Variants in GPR39 observed in about 807,000 individuals in gnomAD.
GPR39 encodes G protein-coupled receptor 39.
A neutral mutation model predicts 18.4 loss-of-function variants in GPR39; 23 were observed. That is an observed-to-expected ratio of 1.25 (90% CI 0.90 to 1.77). The LOEUF is 1.77. Ranked by LOEUF, GPR39 falls within the 40% of genes most tolerant of loss-of-function variation. The pLI is 0.00. For synonymous variants in GPR39, 280 were observed against 257.9 expected (o/e 1.09, Z -0.82); for missense variants, 647 against 602.4 (o/e 1.07, Z -0.78).
In GPR39 at chr2:132,617,092, G is replaced by A. The variant is rs551201165; in HGVS notation, c.857-28009G>A. On this transcript the variant is annotated intron_variant, in intron 1 of 1. Transcript: ENST00000329321. ...GCAACGTAGCCTTGGGTCTTCCAGT[G>A]CACACAGAATTGTCTCATTTGTTTA... Among the ~76,000 whole-genome samples the A allele has an allele frequency of 7.9e-5, 12 of 152,328 alleles. 1 individual carries two copies. In the East Asian group the frequency reaches 2.3e-3, roughly 29 times the overall value.
At chr2:132,549,424 G>A (rs1394632478) in intron 1 of GPR39, among the ~76,000 whole-genome samples, 1 of 152,136 alleles carries the variant, frequency 6.6e-6, no homozygotes, top group Non-Finnish European at 1.5e-5. Context: ...TGTTTAACAC[G>A]ACTGAAAAGG....
At chr2:132,434,757 C>G (rs1049882692) in intron 1 of GPR39, among the ~76,000 whole-genome samples, 2 of 152,098 alleles carry the variant, frequency 1.3e-5, no homozygotes, top group African/African-American at 4.8e-5. Flanking sequence ...AGAAAACTGT[C>G]CAGATATGCA....
At chr2:132,500,223 C>T (rs1267030348) in intron 1 of GPR39, among the ~76,000 whole-genome samples, 1 of 152,132 alleles carries the variant, frequency 6.6e-6, no homozygotes, top group Non-Finnish European at 1.5e-5. Context: ...GTGGGTTTGT[C>T]ATAGATGGCT....
intron 1 of GPR39, among the ~76,000 whole-genome samples, chr2:132,593,533 A>G (rs915708782): frequency 4.6e-5 from 7 of 152,214 alleles, no homozygotes; most frequent in Non-Finnish European, 1.0e-4. Flanking sequence ...AACTCCTAGG[A>G]GCTGAGGAGA....
chr2:132,602,575 A>C (rs1372867518), intron 1 of GPR39, among the ~76,000 whole-genome samples: 1 of 152,156 alleles, frequency 6.6e-6, no homozygotes, highest in Non-Finnish European at 1.5e-5. Flanking sequence ...ACAGCAAAGG[A>C]AACAATGAAG....
intron 1 of GPR39, among the ~76,000 whole-genome samples, chr2:132,530,726 A>G (rs530303205): frequency 1.3e-5 from 2 of 152,342 alleles, no homozygotes; most frequent in South Asian, 2.1e-4. Context: ...AGAATTTCCA[A>G]CCCAGAATTT....
chr2:132,565,642 T>C (rs1368237336), intron 1 of GPR39, among the ~76,000 whole-genome samples: 3 of 144,522 alleles, frequency 2.1e-5, no homozygotes, highest in Non-Finnish European at 4.5e-5. Flanking sequence ...TGAGTGAGAA[T>C]ATGCGGTGTT....
intron 1 of GPR39, among the ~76,000 whole-genome samples, chr2:132,578,089 A>G (rs1349973068): frequency 1.4e-5 from 2 of 147,950 alleles, no homozygotes; most frequent in African/African-American, 2.5e-5. Context: ...TTTTTTATAA[A>G]TGGGTGTTGG....
At chr2:132,628,792 A>G (rs987650782) in intron 1 of GPR39, among the ~76,000 whole-genome samples, 2 of 152,086 alleles carry the variant, frequency 1.3e-5, no homozygotes, top group African/African-American at 4.8e-5. Context: ...TGTGCAATCA[A>G]TTCTAGTTTA....
At chr2:132,483,088 C>T (rs997182599) in intron 1 of GPR39, among the ~76,000 whole-genome samples, 1 of 152,142 alleles carries the variant, frequency 6.6e-6, no homozygotes, top group African/African-American at 2.4e-5. Flanking sequence ...TTCTTAAGCC[C>T]TTTGTGAGTC....
chr2:132,533,973 A>G (rs1198513217), intron 1 of GPR39, among the ~76,000 whole-genome samples: 2 of 152,220 alleles, frequency 1.3e-5, no homozygotes, highest in Non-Finnish European at 2.9e-5. Context: ...AATGGCAACA[A>G]AAGTCAAAAT....
chr2:132,510,408 AG>A (rs1190667868), intron 1 of GPR39, among the ~76,000 whole-genome samples: 2 of 152,132 alleles, frequency 1.3e-5, no homozygotes, highest in African/African-American at 4.8e-5. Context: ...ACCACAGCTG[AG>A]GGACCCCAGA....
intron 1 of GPR39, among the ~76,000 whole-genome samples, chr2:132,461,758 A>G (rs893618011): frequency 2.0e-5 from 3 of 152,246 alleles, no homozygotes; most frequent in Non-Finnish European, 4.4e-5. Context: ...GCATTTGATT[A>G]TATTAGTTCA....
chr2:132,481,889 C>T (rs1681242648), intron 1 of GPR39, among the ~76,000 whole-genome samples: 1 of 152,176 alleles, frequency 6.6e-6, no homozygotes, highest in Non-Finnish European at 1.5e-5. Context: ...TCAGGAAATA[C>T]TTCCTTGAAG....
chr2:132,549,531 G>C (rs1262197128), intron 1 of GPR39, among the ~76,000 whole-genome samples: 2 of 152,214 alleles, frequency 1.3e-5, no homozygotes, highest in Non-Finnish European at 1.5e-5. Context: ...GCTCACGCCT[G>C]TAATCCCAGC....
At chr2:132,609,854 G>A (rs1323961455) in intron 1 of GPR39, among the ~76,000 whole-genome samples, 2 of 152,116 alleles carry the variant, frequency 1.3e-5, no homozygotes, top group African/African-American at 2.4e-5. Flanking sequence ...TACTTCCTTT[G>A]TGTCCTTGTT....
intron 1 of GPR39, among the ~76,000 whole-genome samples, chr2:132,429,811 G>A (rs1362353691): frequency 6.6e-6 from 1 of 152,218 alleles, no homozygotes; most frequent in East Asian, 1.9e-4. Flanking sequence ...CCTCATTTCT[G>A]GATGAAACTG....
At chr2:132,642,473 C>T (rs1373925163) in intron 1 of GPR39, among the ~76,000 whole-genome samples, 3 of 152,216 alleles carry the variant, frequency 2.0e-5, no homozygotes, top group African/African-American at 7.2e-5. Flanking sequence ...TTTTACTGAA[C>T]TCTGCTGCTT....
chr2:132,440,904 C>A (rs1680425957), intron 1 of GPR39, among the ~76,000 whole-genome samples: 1 of 152,136 alleles, frequency 6.6e-6, no homozygotes, highest in Admixed American at 6.5e-5. Flanking sequence ...TGGGGGTGCT[C>A]AGAGCAGTCC....
Sources: gnomAD v4.1 joint callset for allele counts (sites outside exome capture counted in the v4.1 genomes callset) on GRCh38, gnomAD v4.1.1 for gene constraint, MANE v1.5 for transcripts, NCBI Gene and HGNC (gene_info 2026-07-23, HGNC 2026-07-21) for gene names.